Variants in QKI observed in about 807,000 individuals in gnomAD.
The protein encoded by QKI is KH domain-containing RNA-binding protein QKI.
Under a neutral mutation model 39.0 loss-of-function variants are expected in QKI, and 10 were observed. The observed-to-expected ratio is 0.26, with a 90% CI of 0.16 to 0.43. The LOEUF is 0.43. Ranked by LOEUF, QKI falls within the 20% of genes least tolerant of loss-of-function variation. The pLI, the probability that QKI is intolerant of heterozygous loss-of-function variation, is 1.00. For missense variants in QKI, 218 were observed against 428.0 expected (o/e 0.51, Z 4.33); for synonymous variants, 204 against 155.4 (o/e 1.31, Z -2.33).
At chr6:163,428,485 A>G (rs1788577280) in intron 1 of QKI, among the ~76,000 whole-genome samples, 1 of 152,178 alleles carries the variant, frequency 6.6e-6, no homozygotes. Flanking sequence ...ATATGAAGAG[A>G]AAGTTCTTTT....
At chr6:163,556,744 G>T (rs75839216) in intron 4 of QKI, among the ~76,000 whole-genome samples, 1,893 of 152,210 alleles carry the variant, frequency 0.012, 19 homozygotes, top group Non-Finnish European at 0.021. Context: ...ACTCTGCTGG[G>T]TGTTATAGAA....
intron 3 of QKI, among the ~76,000 whole-genome samples, chr6:163,485,032 G>A (rs536485195): frequency 2.6e-4 from 40 of 152,236 alleles, no homozygotes; most frequent in Admixed American, 2.6e-3. Context: ...TAGGAGATTT[G>A]TGCCAGGAAA....
At chr6:163,493,124 TCTA>T (rs1234629548) in intron 3 of QKI, among the ~76,000 whole-genome samples, 1 of 137,110 alleles carries the variant, frequency 7.3e-6, no homozygotes, top group Non-Finnish European at 1.5e-5. Flanking sequence ...TAAAAAGTCA[TCTA>T]CAATACTTTT....
At chr6:163,426,663 C>T (rs760057173) in intron 1 of QKI, among the ~76,000 whole-genome samples, 3 of 152,152 alleles carry the variant, frequency 2.0e-5, no homozygotes, top group Non-Finnish European at 4.4e-5. Context: ...TTCTGCCATT[C>T]TTTCTGCAAT....
chr6:163,436,316 G>A (rs1340494653), intron 1 of QKI, among the ~76,000 whole-genome samples: 1 of 152,218 alleles, frequency 6.6e-6, no homozygotes, highest in Non-Finnish European at 1.5e-5. Context: ...TCTTTTGACT[G>A]TAGTTTTGGG....
Position 163,455,327 on chromosome 6 carries a change from G to A in QKI, c.191G>A (p.Ser64Asn), listed in dbSNP as rs1790839456. 6.2e-7 allele frequency: 1 copy of A among 1,613,460 alleles called. No homozygotes were observed. Among genetic ancestry groups the A allele is most frequent in the Non-Finnish European group, 8.5e-7 (1 of 1,179,488 alleles). Reference sequence around the variant, plus strand: ...ATGTACAATGACACATTAAATGGCAGTACAGAGAAAAGGAGTGCAGAATTG... The same window carrying A: ...ATGTACAATGACACATTAAATGGCAATACAGAGAAAAGGAGTGCAGAATTG... Reference protein sequence around the residue: ...KDMYNDTLNGSTEKRSAELPD... With the variant: ...KDMYNDTLNGNTEKRSAELPD... The change falls in exon 2 of 8, where the codon AGT becomes AAT. Residue 64 changes from serine to asparagine, a missense_variant. Physicochemically the swap from Ser to Asn is conservative, Grantham distance 46. This residue lies in a region of QKI where 61 missense variants were observed against 193.3 expected (regional missense o/e 0.32). Coordinates refer to ENST00000361752, the MANE Select transcript of QKI (RefSeq NM_006775.3).
rs1215791596 is a variant in QKI at position 163,576,178 on chromosome 6, C to G, written c.*5468C>G. 6.6e-6 allele frequency: 1 copy of G among 152,052 alleles called. No homozygotes were observed. The highest frequency in any genetic ancestry group is 1.5e-5 in the Non-Finnish European group (1 of 68,008). The allele number at this position is 152,052 out of a possible 1,614,324, so 9.4% of individuals were successfully genotyped here. A position where few individuals can be genotyped will look rare whatever the true frequency, so the allele number is the denominator to read the frequency against. ...TAATTTTATCTGTAGTTTAAGTGAT[C>G]TAAATTGAGATGCCTTTGATATGAA... is the stretch of plus-strand genomic sequence containing the variant. On this transcript the variant is annotated 3_prime_UTR_variant, in exon 8 of 8. Transcript: ENST00000361752.
intron 1 of QKI, among the ~76,000 whole-genome samples, chr6:163,440,334 A>G (rs1026048787): frequency 7.9e-5 from 12 of 152,208 alleles, no homozygotes; most frequent in African/African-American, 2.9e-4. Context: ...TCTTTGGTGA[A>G]AGTACTTAAT....
chr6:163,531,393 T>C (rs1780841106), intron 3 of QKI, among the ~76,000 whole-genome samples: 1 of 152,178 alleles, frequency 6.6e-6, no homozygotes, highest in South Asian at 2.1e-4. Context: ...CTGCTGGGAA[T>C]TAGGGAGTGC....
chr6:163,416,109 T>C (rs1165034225), intron 1 of QKI, among the ~76,000 whole-genome samples: 2 of 149,510 alleles, frequency 1.3e-5, no homozygotes, highest in Admixed American at 1.3e-4. Flanking sequence ...GAGCGCAGCC[T>C]GAGTTAGAAG....
intron 1 of QKI, among the ~76,000 whole-genome samples, chr6:163,448,904 C>G (rs1790348512): frequency 6.6e-6 from 1 of 151,926 alleles, no homozygotes; most frequent in Admixed American, 6.6e-5. Flanking sequence ...TTTAGTCAAG[C>G]CTTAATTAAA....
intron 2 of QKI, among the ~76,000 whole-genome samples, chr6:163,467,272 C>A (rs531127695): frequency 6.6e-6 from 1 of 152,174 alleles, no homozygotes; most frequent in Non-Finnish European, 1.5e-5. Context: ...TGTATTAAAT[C>A]ATCACAAGTT....
At chr6:163,537,235 C>A (rs900506868) in intron 4 of QKI, among the ~76,000 whole-genome samples, 3 of 152,106 alleles carry the variant, frequency 2.0e-5, no homozygotes, top group African/African-American at 4.8e-5. Context: ...TTATAAACCC[C>A]TATACTTCTT....
chr6:163,535,247 A>C, intron 4 of QKI, 122 bp downstream of exon 4: 1 of 1,004,434 alleles, frequency 1.0e-6, no homozygotes, highest in Middle Eastern at 2.3e-4. Context: ...TTAAGCATAA[A>C]ATTAAAAACA....
intron 5 of QKI, among the ~76,000 whole-genome samples, chr6:163,562,416 T>C (rs921989768): frequency 6.6e-6 from 1 of 152,198 alleles, no homozygotes; most frequent in Non-Finnish European, 1.5e-5. Context: ...AGACAACATA[T>C]TGAAAGCTTA....
Position 163,570,029 on chromosome 6 carries a change from T to A in QKI, c.1010-665T>A, listed in dbSNP as rs41268573. On this transcript the variant is annotated intron_variant, in intron 7 of 7. Coordinates refer to ENST00000361752, the MANE Select transcript of QKI (RefSeq NM_006775.3). ...GGCCATTTTCTGGTTCCCATGATGT[T>A]GCCTACACTGCTAGACTACAGTTTA... 7,287 of 986,436 alleles carry A rather than the reference T, an allele frequency of 7.4e-3. 36 individuals carry two copies. The highest frequency in any genetic ancestry group is 9.9e-3 in the Middle Eastern group (19 of 1,916). The allele number at this position is 986,436 out of a possible 1,614,324, so 61.1% of individuals were successfully genotyped here.
At chr6:163,569,730 T>C (rs1373652311) in intron 7 of QKI, 5 of 998,210 alleles carry the variant, frequency 5.0e-6, no homozygotes, top group Non-Finnish European at 6.0e-6. Flanking sequence ...AATATAAAAA[T>C]ATAAAGCAGG....
At chr6:163,426,243 C>CTTT (rs1301275880) in intron 1 of QKI, among the ~76,000 whole-genome samples, 2 of 138,014 alleles carry the variant, frequency 1.4e-5, no homozygotes, top group Non-Finnish European at 3.2e-5. Flanking sequence ...AGAACCATCT[C>CTTT]TTTTTTTTTT....
intron 3 of QKI, among the ~76,000 whole-genome samples, chr6:163,508,937 G>A (rs1245149607): frequency 2.2e-5 from 3 of 137,190 alleles, no homozygotes; most frequent in Admixed American, 7.5e-5. Flanking sequence ...TCAGGAGTTC[G>A]AGACCAGCCT....
Sources: gnomAD v4.1 joint callset for allele counts (sites outside exome capture counted in the v4.1 genomes callset) on GRCh38, gnomAD v4.1.1 for gene constraint, gnomAD v4.1.1 regional missense constraint, MANE v1.5 for transcripts, NCBI Gene and HGNC (gene_info 2026-07-23, HGNC 2026-07-21) for gene names.